MAN2B1: variants seen among roughly 807,000 people sequenced by gnomAD.
The protein encoded by MAN2B1 is lysosomal alpha-mannosidase.
MAN2B1 carries 99 observed loss-of-function variants against 127.5 expected under a neutral mutation model. The ratio of observed to expected loss-of-function variants is 0.78; its 90% confidence interval spans 0.66 to 0.92. MAN2B1 has a LOEUF of 0.92. Among genes scored for constraint, MAN2B1 ranks in the 40% least tolerant of loss-of-function variants. The pLI is 0.00. For synonymous variants in MAN2B1, 573 were observed against 568.8 expected, an observed-to-expected ratio of 1.01 and a Z score of -0.11; for missense variants, 1,304 against 1,384.8, an observed-to-expected ratio of 0.94 and a Z score of 0.93.
Position 12,665,352 on chromosome 19 carries a change from C to G in MAN2B1, c.436G>C (p.Gly146Arg). The change falls in exon 3 of 24, where the codon GGG becomes CGG. Residue 146 changes from glycine (G) to arginine (R), a missense_variant and splice_region_variant. By Grantham distance (125) the Gly-to-Arg change is moderately radical. Coordinates refer to ENST00000456935, the MANE Select transcript of MAN2B1 (RefSeq NM_000528.4). Reference protein sequence around the residue: ...QEVVRDLVRQGRLEFANGGWV... With the variant: ...QEVVRDLVRQRRLEFANGGWV... ...TTTCACTTCCTTGGGGTAGGCTCACCCTGGCGCACAAGGTCTCGCACGACT... is the reference window on the plus strand; with the variant it reads ...TTTCACTTCCTTGGGGTAGGCTCACGCTGGCGCACAAGGTCTCGCACGACT... The G allele has an allele frequency of 1.9e-6, 3 of 1,604,678 alleles. No homozygotes were observed. The highest frequency in any genetic ancestry group is 2.5e-6 in the Non-Finnish European group (3 of 1,179,972).
intron 21 of MAN2B1, 84 bp downstream of exon 21, chr19:12,648,091 C>A (rs981341912): frequency 1.8e-5 from 25 of 1,356,710 alleles, no homozygotes; most frequent in Non-Finnish European, 2.4e-5. Flanking sequence ...TGGATCCCCG[C>A]TGAGCCTAGG....
Position 12,649,440 on chromosome 19 carries a change from GGT to G in MAN2B1, c.2268-14_2268-13del. 6.4e-7 allele frequency: 1 copy of G among 1,569,890 alleles called. No individual in the cohort carries two copies. Among genetic ancestry groups the G allele is most frequent in the Non-Finnish European group, 8.7e-7 (1 of 1,144,268 alleles). On this transcript the variant is annotated splice_polypyrimidine_tract_variant and intron_variant, in intron 18 of 23. Coordinates refer to ENST00000456935, the MANE Select transcript of MAN2B1 (RefSeq NM_000528.4). ...GTCGATAATCCCGCCTGGGGTTGGG[GGT>G]GAGCTGATCAGGCTTGGGATCTGGC...
At chr19:12,653,137 GT>G (rs1457687018) in intron 14 of MAN2B1, among the ~76,000 whole-genome samples, 1 of 126,872 alleles carries the variant, frequency 7.9e-6, no homozygotes, top group African/African-American at 3.0e-5. Flanking sequence ...CCTGGCCTGG[GT>G]TTTTTGTTTT....
At chr19:12,654,340 C>T (rs1485194037) in intron 14 of MAN2B1, among the ~76,000 whole-genome samples, 3 of 152,034 alleles carry the variant, frequency 2.0e-5, no homozygotes, top group Non-Finnish European at 4.4e-5. Flanking sequence ...CCGCGCCCGG[C>T]CCCCCCAACC....
At chr19:12,662,323 T>C (rs1159164271) in intron 6 of MAN2B1, among the ~76,000 whole-genome samples, 1 of 151,972 alleles carries the variant, frequency 6.6e-6, no homozygotes, top group Non-Finnish European at 1.5e-5. Context: ...GAAAAAATAA[T>C]GTTTTTTAAT....
intron 13 of MAN2B1, chr19:12,656,228 G>A (rs1242258115): frequency 4.5e-6 from 2 of 445,122 alleles, no homozygotes; most frequent in African/African-American, 4.0e-5. Context: ...TCCTGGGGAA[G>A]CGGGGTATTA....
chr19:12,660,626 A>T (rs1300513544), intron 7 of MAN2B1, among the ~76,000 whole-genome samples: 1 of 152,194 alleles, frequency 6.6e-6, no homozygotes, highest in Non-Finnish European at 1.5e-5. Context: ...AGCCAAGAAT[A>T]GATTTTGAAT....
At chr19:12,665,680 A>C in intron 2 of MAN2B1, 23 bp downstream of exon 2, 1 of 1,605,896 alleles carries the variant, frequency 6.2e-7, no homozygotes, top group Non-Finnish European at 8.5e-7. Context: ...GATCCCAGGG[A>C]CCAGTCCCCA....
chr19:12,647,629 GA>G lies in MAN2B1; in HGVS notation c.2665-32del, dbSNP rs373332419. The G allele has an allele frequency of 2.2e-4, 357 of 1,594,074 alleles. 1 individual carries two copies. The East Asian group carries it at 7.6e-3, about 34-fold the overall frequency. ...GGAGAGAGGGCGGGGCTGAGTTGGA[GA>G]GGGGCGGGGCCTGGATGGAGAAGGG... On this transcript the variant is annotated intron_variant, in intron 21 of 23. Transcript: ENST00000456935. The surrounding 1 kb of genome is among the most constrained non-coding windows in gnomAD (Gnocchi z 4.9).
rs749826725 is a variant in MAN2B1, at chr19:12,658,436, G to T, written c.1101C>A (p.Asn367Lys). The T allele has an allele frequency of 1.2e-6, 2 of 1,614,104 alleles. No homozygotes were observed. Residue 367 changes from asparagine (N) to lysine (K), a missense_variant, in exon 8 of 24, where the codon AAC becomes AAA. Coordinates refer to ENST00000456935, the MANE Select transcript of MAN2B1 (RefSeq NM_000528.4). ...CCAGTTTCCCCAAATACCAGGTGAG[G>T]TTGGCCTTGTTCAGCTCCCAGAGGT... ...ACYLWELNKA[N>K]LTWSVKHDDF... is the part of the protein sequence containing the mutation.
Position 12,658,464 on chromosome 19 carries a change from C to A in MAN2B1, c.1073G>T (p.Cys358Phe). Residue 358 changes from cysteine (C) to phenylalanine (F), a missense_variant, in exon 8 of 24, where the codon TGT (cysteine) becomes TTT (phenylalanine). Physicochemically the swap from Cys to Phe is radical, Grantham distance 205. Transcript: ENST00000456935. Reference sequence around the variant, plus strand: ...GGCCTTGTTCAGCTCCCAGAGGTAACAAGCGGGGGTGGAGTAGAGAACATG... The same window carrying A: ...GGCCTTGTTCAGCTCCCAGAGGTAAAAAGCGGGGGTGGAGTAGAGAACATG... The part of the protein sequence containing the change: ...SVHVLYSTPA[C>F]YLWELNKANL... 6.2e-7 allele frequency: 1 copy of A among 1,614,180 alleles called. No homozygotes were observed. The highest frequency in any genetic ancestry group is 8.5e-7 in the Non-Finnish European group (1 of 1,180,036).
At position 12,661,388 on chromosome 19, in the gene MAN2B1, A is replaced by AG; in HGVS notation, c.910-13dup. The AG allele has an allele frequency of 1.9e-6, 3 of 1,566,040 alleles. No homozygotes were observed. The highest frequency in any genetic ancestry group is 2.6e-6 in the Non-Finnish European group (3 of 1,136,210). ...CGGTAATACCGGCCCTGCAGGCAAG[A>AG]GGGGAGTCCTGAAGCCAGAGGATCC... On this transcript the variant is annotated splice_polypyrimidine_tract_variant and intron_variant, in intron 6 of 23. Coordinates refer to ENST00000456935, the MANE Select transcript of MAN2B1 (RefSeq NM_000528.4).
Position 12,658,082 on chromosome 19 carries a change from G to T in MAN2B1, c.1290C>A (p.Ser430=), listed in dbSNP as rs757526946. ...ACTTACTGAGGGGTGCACTGTCTCC[G>T]GAGCCATAGGGTCCCACGTTGGCCG... ...GLAANVGPYG[S]GDSAPLNEAM... The change falls in exon 10 of 24, where the codon TCC becomes TCA. Residue 430 remains serine, a synonymous_variant. Coordinates refer to ENST00000456935, the MANE Select transcript of MAN2B1 (RefSeq NM_000528.4). The T allele has an allele frequency of 6.2e-7, 1 of 1,613,224 alleles. No homozygotes were observed. Among genetic ancestry groups the T allele is most frequent in the Non-Finnish European group, 8.5e-7 (1 of 1,179,946 alleles).
At chr19:12,655,637 C>T in intron 14 of MAN2B1, 57 bp downstream of exon 14, 1 of 1,565,274 alleles carries the variant, frequency 6.4e-7, no homozygotes, top group Non-Finnish European at 8.7e-7. Flanking sequence ...ACACAGCTCA[C>T]CATGACACTT....
At position 12,652,286 on chromosome 19, in the gene MAN2B1, G is replaced by A. The variant is rs774404642; in HGVS notation, c.1929-16C>T. ...GGCGTTGTACCTGGAGTTGGGGCAG[G>A]TGAGAGTCAGGTAAGGGGCCCTAGC... is the stretch of plus-strand genomic sequence containing the variant. On this transcript the variant is annotated splice_polypyrimidine_tract_variant and intron_variant, in intron 15 of 23. Coordinates refer to ENST00000456935, the MANE Select transcript of MAN2B1 (RefSeq NM_000528.4). 32 of 1,611,652 alleles carry A rather than the reference G, an allele frequency of 2.0e-5. No homozygotes were observed. In the Admixed American group the frequency reaches 4.7e-4, roughly 24 times the overall value.
rs1364291883 is a variant in MAN2B1, at chr19:12,664,861, C to T, written c.561G>A (p.Gly187=). The T allele has an allele frequency of 6.2e-7, 1 of 1,613,916 alleles. No individual in the cohort carries two copies. The highest frequency in any genetic ancestry group is 8.5e-7 in the Non-Finnish European group (1 of 1,179,992). ...CAATGTGCCAGGCCACACGGGGTCG[C>T]CCATCATTGCCAAATGTGTCCTCCA... ...RFLEDTFGND[G]RPRVAWHIDP... The change falls in exon 4 of 24, where the codon GGG becomes GGA. Residue 187 remains glycine (G), a synonymous_variant. Coordinates refer to ENST00000456935, the MANE Select transcript of MAN2B1 (RefSeq NM_000528.4).
chr19:12,659,691 T>A (rs374190427), intron 7 of MAN2B1, among the ~76,000 whole-genome samples: 1 of 152,110 alleles, frequency 6.6e-6, no homozygotes, highest in African/African-American at 2.4e-5. Context: ...TGGTGGCACA[T>A]GCCTGTAGTC....
chr19:12,657,283 G>T (rs2023988251), intron 11 of MAN2B1, 163 bp downstream of exon 11: 1 of 583,968 alleles, frequency 1.7e-6, no homozygotes, highest in Admixed American at 2.5e-5. Context: ...CCCCGTTCCT[G>T]TATCTTTCCC....
At chr19:12,649,729 G>A (rs1014957501) in intron 18 of MAN2B1, among the ~76,000 whole-genome samples, 184 bp downstream of exon 18, 3 of 151,648 alleles carry the variant, frequency 2.0e-5, no homozygotes, top group South Asian at 2.1e-4. Context: ...TGATCTGCCC[G>A]CCTCGGCTTC....
Sources: gnomAD v4.1 joint callset for allele counts (sites outside exome capture counted in the v4.1 genomes callset) on GRCh38, gnomAD v4.1.1 for gene constraint, Gnocchi (gnomAD v3.1) non-coding constraint, MANE v1.5 for transcripts, NCBI Gene and HGNC (gene_info 2026-07-23, HGNC 2026-07-21) for gene names.